Variants in TAFA5 observed in about 807,000 individuals in gnomAD.
TAFA5 encodes TAFA chemokine like family member 5.
A neutral mutation model predicts 15.3 loss-of-function variants in TAFA5; 6 were observed. That is an observed-to-expected ratio of 0.39 (90% CI 0.21 to 0.77). TAFA5 has a LOEUF of 0.77. Ranked by LOEUF, TAFA5 falls within the 30% of genes least tolerant of loss-of-function variation. The pLI, the probability that TAFA5 is intolerant of heterozygous loss-of-function variation, is 0.41. For missense variants in TAFA5, 161 were observed against 193.1 expected (o/e 0.83, Z 0.98); for synonymous variants, 103 against 80.7 (o/e 1.28, Z -1.48).
intron 1 of TAFA5, among the ~76,000 whole-genome samples, chr22:48,641,716 G>A (rs1056066296): frequency 6.6e-6 from 1 of 151,982 alleles, no homozygotes; most frequent in African/African-American, 2.4e-5. Context: ...AGCCCTCGGA[G>A]GCCCCCGGTC....
At chr22:48,734,174 A>G (rs1021848683) in intron 3 of TAFA5, among the ~76,000 whole-genome samples, 2 of 151,088 alleles carry the variant, frequency 1.3e-5, no homozygotes, top group Non-Finnish European at 2.9e-5. Flanking sequence ...GAAAACAGAA[A>G]GTAACTTGAA....
At chr22:48,497,130 A>G (rs1928356704) in intron 1 of TAFA5, among the ~76,000 whole-genome samples, 1 of 152,162 alleles carries the variant, frequency 6.6e-6, no homozygotes. Flanking sequence ...GGGGCTCCCC[A>G]GCAGTGGCCC....
intron 1 of TAFA5, among the ~76,000 whole-genome samples, chr22:48,563,280 T>C (rs5767192): frequency 0.2 from 30,567 of 152,062 alleles, 3,904 homozygotes; most frequent in South Asian, 0.3. Flanking sequence ...CCGTGGGCGC[T>C]TATGTCGGTT....
At chr22:48,539,000 G>A (rs1922266361) in intron 1 of TAFA5, 1 of 192,302 alleles carries the variant, frequency 5.2e-6, no homozygotes, top group African/African-American at 2.3e-5. Context: ...TTTGTCGGGG[G>A]GATACATAGT....
chr22:48,526,747 T>G (rs1921795032), intron 1 of TAFA5, among the ~76,000 whole-genome samples: 1 of 152,238 alleles, frequency 6.6e-6, no homozygotes, highest in Admixed American at 6.5e-5. Context: ...CTGAATAGAC[T>G]TAGAAAGATT....
At chr22:48,673,630 A>G (rs1927871732) in intron 2 of TAFA5, among the ~76,000 whole-genome samples, 1 of 152,046 alleles carries the variant, frequency 6.6e-6, no homozygotes, top group South Asian at 2.1e-4. Context: ...CTGGCTGTGT[A>G]CTGTGTGTAG....
At chr22:48,707,931 C>A in intron 3 of TAFA5, 87 bp downstream of exon 3, 1 of 1,514,442 alleles carries the variant, frequency 6.6e-7, no homozygotes, top group Non-Finnish European at 8.9e-7. Flanking sequence ...TCCGCGGGGA[C>A]AGGTGGCAGC....
chr22:48,725,514 A>G (rs1929689048), intron 3 of TAFA5, among the ~76,000 whole-genome samples: 2 of 152,174 alleles, frequency 1.3e-5, no homozygotes, highest in African/African-American at 2.4e-5. Context: ...GCCGTGACCC[A>G]GGAGCCAGGA....
chr22:48,706,774 T>C (rs952699984), intron 2 of TAFA5, among the ~76,000 whole-genome samples: 1 of 152,234 alleles, frequency 6.6e-6, no homozygotes, highest in Non-Finnish European at 1.5e-5. Flanking sequence ...AGGAAGGACA[T>C]ATTTTTTCCC....
intron 3 of TAFA5, among the ~76,000 whole-genome samples, chr22:48,708,305 C>G (rs1601688571): frequency 6.6e-6 from 1 of 152,142 alleles, no homozygotes; most frequent in East Asian, 1.9e-4. Flanking sequence ...CCTTCCGTCC[C>G]TGGGCCTGGC....
intron 1 of TAFA5, among the ~76,000 whole-genome samples, chr22:48,631,635 T>C (rs1926231684): frequency 6.6e-6 from 1 of 152,222 alleles, no homozygotes; most frequent in Non-Finnish European, 1.5e-5. Flanking sequence ...CCGTGTTAAC[T>C]GCAGAAGAAA....
intron 1 of TAFA5, among the ~76,000 whole-genome samples, chr22:48,631,303 G>A (rs1926218293): frequency 6.6e-6 from 1 of 152,180 alleles, no homozygotes; most frequent in African/African-American, 2.4e-5. Context: ...GCGGTCCCTG[G>A]TGGGCAGCCC....
intron 2 of TAFA5, 47 bp from the exon 3 acceptor site, chr22:48,707,670 G>A (rs762767073): frequency 1.6e-5 from 25 of 1,599,682 alleles, no homozygotes; most frequent in Admixed American, 1.4e-4. Context: ...ACACCCTCAC[G>A]ATCCATGAGA....
chr22:48,683,250 C>T (rs1172743991), intron 2 of TAFA5, among the ~76,000 whole-genome samples: 1 of 152,194 alleles, frequency 6.6e-6, no homozygotes, highest in Non-Finnish European at 1.5e-5. Context: ...GGATGTTCCT[C>T]CCACGTAATA....
chr22:48,593,708 A>G (rs1924659096), intron 1 of TAFA5, among the ~76,000 whole-genome samples: 1 of 152,142 alleles, frequency 6.6e-6, no homozygotes, highest in Non-Finnish European at 1.5e-5. Context: ...GTCGCAGCCC[A>G]GGGAGTCCCC....
At chr22:48,513,680 C>T (rs1252960869) in intron 1 of TAFA5, among the ~76,000 whole-genome samples, 1 of 152,226 alleles carries the variant, frequency 6.6e-6, no homozygotes, top group Non-Finnish European at 1.5e-5. Flanking sequence ...TCTGACAGGG[C>T]CCTGGCCTTG....
chr22:48,497,300 G>A (rs937647793), intron 1 of TAFA5, among the ~76,000 whole-genome samples: 1 of 152,192 alleles, frequency 6.6e-6, no homozygotes, highest in Non-Finnish European at 1.5e-5. Flanking sequence ...CACGGGGCCC[G>A]GCAGGGTTCT....
intron 1 of TAFA5, among the ~76,000 whole-genome samples, chr22:48,508,907 C>T (rs1921109279): frequency 6.6e-6 from 1 of 152,280 alleles, no homozygotes; most frequent in East Asian, 1.9e-4. Context: ...TAGAGTGCCA[C>T]AGCTGATTTC....
rs1161695510 is a variant in TAFA5, at chr22:48,747,897, A to T, written c.391-1942A>T. 1.4e-3 allele frequency among the ~76,000 whole-genome samples: 23 copies of T among 16,492 alleles called. No individual in the cohort carries two copies. In the African/African-American group the frequency reaches 0.014, roughly 10 times the overall value. 10.8% of individuals were successfully genotyped at this position (16,492 alleles called of 152,430 possible). A position where few individuals can be genotyped will look rare whatever the true frequency, so the allele number is the denominator to read the frequency against. Reference sequence around the variant, plus strand: ...GGGTAGCAGAGCAAGACTCTGTCTAAAAAAAAAAAAAAAAAAAAAGAATAG... The same window carrying T: ...GGGTAGCAGAGCAAGACTCTGTCTATAAAAAAAAAAAAAAAAAAAGAATAG... On this transcript the variant is annotated intron_variant, in intron 3 of 3. Transcript: ENST00000402357.
Sources: allele counts gnomAD v4.1 joint callset (sites outside exome capture counted in the v4.1 genomes callset), GRCh38; gene constraint gnomAD v4.1.1; transcripts MANE v1.5; gene names NCBI Gene and HGNC (gene_info 2026-07-23, HGNC 2026-07-21).